The following FNDC1 variants were observed in gnomAD, a reference collection of about 807,000 sequenced individuals.
FNDC1 encodes fibronectin type III domain containing 1.
In FNDC1, 96 loss-of-function variants were observed where a neutral mutation model predicts 168.0. The observed-to-expected ratio is 0.57, with a 90% confidence interval of 0.48 to 0.68. The LOEUF (loss-of-function observed/expected upper bound fraction) is 0.68, where lower values mean the gene tolerates loss of function less well. FNDC1 is among the 30% of genes least tolerant of loss of function. The pLI is 0.00. For synonymous variants in FNDC1, 1,099 were observed against 1,025.9 expected (o/e 1.07, Z -1.36); for missense variants, 2,587 against 2,482.1 (o/e 1.04, Z -0.90).
At chr6:159,216,296 A>G (rs1782708588) in intron 5 of FNDC1, among the ~76,000 whole-genome samples, 1 of 152,132 alleles carries the variant, frequency 6.6e-6, no homozygotes, top group African/African-American at 2.4e-5. Context: ...TCAAGTTGAC[A>G]CTCAGTATTA....
chr6:159,205,751 A>T (rs1204877473), intron 4 of FNDC1, among the ~76,000 whole-genome samples: 1 of 152,236 alleles, frequency 6.6e-6, no homozygotes, highest in Non-Finnish European at 1.5e-5. Context: ...TTAATGAATG[A>T]TGCTAAGCTT....
chr6:159,179,900 C>G (rs963612205), intron 1 of FNDC1, among the ~76,000 whole-genome samples: 2 of 152,068 alleles, frequency 1.3e-5, no homozygotes, highest in Admixed American at 6.6e-5. Context: ...GGGGTGGTGC[C>G]GAGTGTGGGA....
intron 2 of FNDC1, among the ~76,000 whole-genome samples, chr6:159,198,403 C>T (rs1301785935): frequency 6.6e-6 from 1 of 152,202 alleles, no homozygotes; most frequent in African/African-American, 2.4e-5. Flanking sequence ...GTCCCCTGAC[C>T]ACAGCTGACC....
intron 14 of FNDC1, among the ~76,000 whole-genome samples, chr6:159,244,127 A>T (rs1248565118): frequency 6.6e-6 from 1 of 152,264 alleles, no homozygotes; most frequent in Non-Finnish European, 1.5e-5. Flanking sequence ...CACTGAACTG[A>T]TAATGAGGAA....
chr6:159,174,431 G>T (rs1231073343), intron 1 of FNDC1, among the ~76,000 whole-genome samples: 1 of 152,270 alleles, frequency 6.6e-6, no homozygotes, highest in Non-Finnish European at 1.5e-5. Context: ...CAGCGCTTGC[G>T]CTCTGAGGCC....
intron 12 of FNDC1, among the ~76,000 whole-genome samples, chr6:159,237,601 A>G (rs1783291302): frequency 6.6e-6 from 1 of 152,242 alleles, no homozygotes; most frequent in Non-Finnish European, 1.5e-5. Flanking sequence ...GATTTTTAAC[A>G]TTAACAGCAA....
At chr6:159,183,612 G>A (rs1781927877) in intron 1 of FNDC1, among the ~76,000 whole-genome samples, 1 of 152,186 alleles carries the variant, frequency 6.6e-6, no homozygotes, top group Non-Finnish European at 1.5e-5. Flanking sequence ...GCCAGAGCTG[G>A]GCTCTGCAGT....
chr6:159,200,083 G>A lies in FNDC1; in HGVS notation c.391+1G>A. 1 of 1,589,824 alleles carries A rather than the reference G, an allele frequency of 6.3e-7. No homozygotes were observed. The highest frequency in any genetic ancestry group is 8.6e-7 in the Non-Finnish European group (1 of 1,167,068). On this transcript the variant is annotated splice_donor_variant, in intron 3 of 22. Coordinates refer to ENST00000297267, the MANE Select transcript of FNDC1 (RefSeq NM_032532.3). LOFTEE classifies it high-confidence loss of function. The stretch of plus-strand genomic sequence containing the variant: ...GTTTACAGAGCTGAAAGCCCACCTG[G>A]TAAGTCCTATCTAGAATCAGAGGCT...
chr6:159,192,607 A>G (rs902727381), intron 1 of FNDC1, among the ~76,000 whole-genome samples: 2 of 152,196 alleles, frequency 1.3e-5, no homozygotes, highest in Admixed American at 6.5e-5. Flanking sequence ...GATTTTGAAT[A>G]ATTGGATATT....
chr6:159,233,560 C>G lies in FNDC1; in HGVS notation c.3048C>G (p.His1016Gln), dbSNP rs767558398. 6.3e-7 allele frequency: 1 copy of G among 1,592,678 alleles called. No individual in the cohort carries two copies. Among genetic ancestry groups the G allele is most frequent in the South Asian group, 1.1e-5 (1 of 88,362 alleles). Reference protein sequence around the residue: ...PPPPVATSQHHPGPQSRDAGR... With the variant: ...PPPPVATSQHQPGPQSRDAGR... ...CTCCCGTCGCCACGTCCCAGCACCA[C>G]CCGGGACCCCAGAGCAGAGACGCGG... The change falls in exon 11 of 23, where the codon CAC becomes CAG. Residue 1016 changes from histidine to glutamine, a missense_variant. Coordinates refer to ENST00000297267, the MANE Select transcript of FNDC1 (RefSeq NM_032532.3). The surrounding 1 kb of genome is among the most constrained non-coding windows in gnomAD (Gnocchi z 4.6).
In FNDC1 at chr6:159,169,406, G is replaced by T. The variant is rs1051500567; in HGVS notation, c.-191G>T. On this transcript the variant is annotated 5_prime_UTR_variant, in exon 1 of 23. Coordinates refer to ENST00000297267, the MANE Select transcript of FNDC1 (RefSeq NM_032532.3). The surrounding 1 kb of genome is among the most constrained non-coding windows in gnomAD (Gnocchi z 6.8). ...GCGGGAGGTCGGCGGCCTCAGTGGCGGAGCGCGGCTGCCGGTGTGCGGCCG... is the reference window on the plus strand; with the variant it reads ...GCGGGAGGTCGGCGGCCTCAGTGGCTGAGCGCGGCTGCCGGTGTGCGGCCG... 1.4e-4 allele frequency: 22 copies of T among 160,300 alleles called. No individual in the cohort carries two copies. The highest frequency in any genetic ancestry group is 2.4e-4 in the Non-Finnish European group (18 of 74,984). The allele number at this position is 160,300 out of a possible 1,614,324, so 9.9% of individuals were successfully genotyped here.
At position 159,225,544 on chromosome 6, in the gene FNDC1, C is replaced by T. The variant is rs200915228; in HGVS notation, c.894C>T (p.Thr298=). ...QKKVVASRQY[T]VRYREKGELA... ...TTGTGTTTTCTTACAGACAGTACACCGTGCGCTATCGAGAGAAGGGGGAAT... is the reference window on the plus strand; with the variant it reads ...TTGTGTTTTCTTACAGACAGTACACTGTGCGCTATCGAGAGAAGGGGGAAT... Residue 298 remains threonine (T), a synonymous_variant, in exon 8 of 23, where the codon ACC becomes ACT. Transcript: ENST00000297267. 7.0e-4 allele frequency: 1,131 copies of T among 1,611,852 alleles called. 18 individuals are homozygous for T. The South Asian group carries it at 8.5e-3, about 12-fold the overall frequency.
intron 4 of FNDC1, among the ~76,000 whole-genome samples, chr6:159,211,501 G>T (rs947790204): frequency 2.0e-5 from 3 of 152,178 alleles, no homozygotes; most frequent in African/African-American, 7.2e-5. Context: ...TATTTGAAAA[G>T]ATTTTCAATG....
chr6:159,239,659 A>G lies in FNDC1; in HGVS notation c.4323A>G (p.Lys1441=). 5 of 1,552,228 alleles carry G rather than the reference A, an allele frequency of 3.2e-6. No homozygotes were observed. Among genetic ancestry groups the G allele is most frequent in the Non-Finnish European group, 4.4e-6 (5 of 1,147,266 alleles). The change falls in exon 14 of 23, where the codon AAA becomes AAG. Residue 1441 remains lysine (K), a synonymous_variant. Coordinates refer to ENST00000297267, the MANE Select transcript of FNDC1 (RefSeq NM_032532.3). ...GKPLVGLEVI[K]KTTHPPTTTM... is the part of the protein sequence containing the mutation. ...CGCTGGTGGGCTTGGAGGTCATCAA[A>G]AAAACCACCCATCCCCCTACCACTA...
intron 1 of FNDC1, among the ~76,000 whole-genome samples, chr6:159,179,317 G>C (rs1225767325): frequency 1.3e-5 from 2 of 152,222 alleles, no homozygotes; most frequent in Non-Finnish European, 2.9e-5. Flanking sequence ...AAATTAGCCA[G>C]GCATGGTGGC....
At chr6:159,269,490 CTAT>C (rs1562316040) in intron 22 of FNDC1, among the ~76,000 whole-genome samples, 229 of 135,820 alleles carry the variant, frequency 1.7e-3, no homozygotes, top group African/African-American at 3.8e-3. Flanking sequence ...ATCTATCTAT[CTAT>C]CTATCTATCC....
At chr6:159,238,698 C>A in intron 13 of FNDC1, 33 bp downstream of exon 13, 1 of 1,380,574 alleles carries the variant, frequency 7.2e-7, no homozygotes. Context: ...GAATAAAAGC[C>A]TACTGAATTA....
At chr6:159,229,724 C>T (rs565844308) in intron 9 of FNDC1, 91 bp from the exon 10 acceptor site, 66 of 1,137,934 alleles carry the variant, frequency 5.8e-5, no homozygotes, top group Admixed American at 4.2e-4. Flanking sequence ...TAGTAATGCA[C>T]GTTCTAATTC....
At chr6:159,270,348 G>A (rs181933670) in intron 22 of FNDC1, among the ~76,000 whole-genome samples, 64 of 152,356 alleles carry the variant, frequency 4.2e-4, no homozygotes, top group African/African-American at 1.5e-3. Context: ...AACATTTAAT[G>A]TTGGATCAGA....
Sources: allele counts gnomAD v4.1 joint callset (sites outside exome capture counted in the v4.1 genomes callset), GRCh38; gene constraint gnomAD v4.1.1; non-coding constraint Gnocchi (gnomAD v3.1); transcripts MANE v1.5; gene names NCBI Gene and HGNC (gene_info 2026-07-23, HGNC 2026-07-21).